The following TNR variants were observed in gnomAD, a reference collection of about 807,000 sequenced individuals.
The protein encoded by TNR is tenascin-R.
A neutral mutation model predicts 150.4 loss-of-function variants in TNR; 45 were observed. The observed-to-expected ratio is 0.30, with a 90% CI of 0.24 to 0.38. The LOEUF is 0.38. Ranked by LOEUF, TNR falls within the 10% of genes least tolerant of loss-of-function variation. TNR has a pLI of 1.00. For synonymous variants in TNR, 687 were observed against 678.4 expected (o/e 1.01, Z -0.20); for missense variants, 1,544 against 1,759.1 (o/e 0.88, Z 2.19).
chr1:175,727,319 T>C (rs948128336), intron 1 of TNR, among the ~76,000 whole-genome samples: 1 of 152,176 alleles, frequency 6.6e-6, no homozygotes, highest in Non-Finnish European at 1.5e-5. Context: ...CCAATAATGC[T>C]GAGAGGCCAA....
chr1:175,442,621 G>A (rs976763014), intron 2 of TNR, among the ~76,000 whole-genome samples: 1 of 151,740 alleles, frequency 6.6e-6, no homozygotes, highest in African/African-American at 2.4e-5. Context: ...CAACCAGAGA[G>A]AAGAGTAGAA....
chr1:175,543,066 A>G (rs1660564030), intron 1 of TNR, among the ~76,000 whole-genome samples: 1 of 152,210 alleles, frequency 6.6e-6, no homozygotes, highest in Admixed American at 6.5e-5. Flanking sequence ...AATTATAAAT[A>G]ACGTTTGAAC....
intron 1 of TNR, among the ~76,000 whole-genome samples, chr1:175,623,371 C>G (rs1290029230): frequency 1.3e-5 from 2 of 152,264 alleles, no homozygotes; most frequent in Admixed American, 6.5e-5. Flanking sequence ...TCCCAGAAAA[C>G]AGTTTCTTAC....
Position 175,375,954 on chromosome 1 carries a change from G to GTT in TNR, c.1963+3597_1963+3598insAA, listed in dbSNP as rs1212294926. On this transcript the variant is annotated intron_variant, in intron 9 of 22. Transcript: ENST00000367674. ...GTCTTTTAGATGAGAGAACTAAAGT[G>GTT]CAGGAAATTTAAGAAATTTGCTCAA... Among the ~76,000 whole-genome samples the GTT allele has an allele frequency of 2.6e-5, 4 of 152,224 alleles. No homozygotes were observed. In the East Asian group the frequency reaches 7.7e-4, roughly 29 times the overall value.
At chr1:175,424,133 A>G (rs1027860510) in intron 2 of TNR, among the ~76,000 whole-genome samples, 4 of 152,168 alleles carry the variant, frequency 2.6e-5, no homozygotes, top group Admixed American at 6.5e-5. Context: ...GTTAATTTCC[A>G]TAATTGAGAT....
At chr1:175,506,225 A>C (rs950307932) in intron 2 of TNR, among the ~76,000 whole-genome samples, 9 of 152,146 alleles carry the variant, frequency 5.9e-5, no homozygotes, top group Non-Finnish European at 1.2e-4. Context: ...GCCTCAAAAC[A>C]CTTTTAAAAA....
At chr1:175,631,257 T>C (rs1402489939) in intron 1 of TNR, among the ~76,000 whole-genome samples, 3 of 152,222 alleles carry the variant, frequency 2.0e-5, no homozygotes, top group African/African-American at 7.2e-5. Context: ...TTTGTTAAGA[T>C]AAAAGAAAAC....
intron 1 of TNR, among the ~76,000 whole-genome samples, chr1:175,649,042 C>T (rs942020617): frequency 1.3e-5 from 2 of 152,168 alleles, no homozygotes; most frequent in Non-Finnish European, 2.9e-5. Flanking sequence ...TCCCCATAGC[C>T]GGAGGGATTG....
At chr1:175,477,862 C>T (rs1208663944) in intron 2 of TNR, among the ~76,000 whole-genome samples, 7 of 152,212 alleles carry the variant, frequency 4.6e-5, no homozygotes, top group Non-Finnish European at 1.0e-4. Flanking sequence ...CACTCCCTTC[C>T]GCAGTCCTTC....
intron 10 of TNR, among the ~76,000 whole-genome samples, 194 bp downstream of exon 10, chr1:175,367,014 G>T (rs1651871521): frequency 6.6e-6 from 1 of 152,206 alleles, no homozygotes. Flanking sequence ...GGGGAAGAGG[G>T]TGACTCTGTC....
chr1:175,522,040 C>CTTAA, intron 2 of TNR, among the ~76,000 whole-genome samples: 1 of 152,202 alleles, frequency 6.6e-6, no homozygotes, highest in African/African-American at 2.4e-5. Context: ...CAAAGACTTG[C>CTTAA]TTAACTATGC....
intron 2 of TNR, among the ~76,000 whole-genome samples, chr1:175,421,245 C>A (rs1462643840): frequency 6.6e-6 from 1 of 152,222 alleles, no homozygotes; most frequent in Non-Finnish European, 1.5e-5. Context: ...TTCTCCAGGA[C>A]TGGATCACCA....
At chr1:175,351,250 T>C (rs1254900714) in intron 18 of TNR, among the ~76,000 whole-genome samples, 1 of 152,182 alleles carries the variant, frequency 6.6e-6, no homozygotes, top group Admixed American at 6.5e-5. Flanking sequence ...CTGATACCCT[T>C]GTATTCTTTT....
intron 2 of TNR, among the ~76,000 whole-genome samples, chr1:175,476,071 A>C (rs1657534796): frequency 6.6e-6 from 1 of 152,194 alleles, no homozygotes; most frequent in African/African-American, 2.4e-5. Context: ...GATGTTGTCC[A>C]GTGGCCACAA....
At chr1:175,583,521 A>T (rs544480181) in intron 1 of TNR, among the ~76,000 whole-genome samples, 3 of 152,310 alleles carry the variant, frequency 2.0e-5, no homozygotes, top group African/African-American at 4.8e-5. Context: ...TAGGACTGAG[A>T]CAGTGACTAA....
intron 1 of TNR, among the ~76,000 whole-genome samples, chr1:175,694,197 G>A (rs1422887441): frequency 1.3e-5 from 2 of 152,072 alleles, no homozygotes; most frequent in East Asian, 1.9e-4. Flanking sequence ...GTATCCCAAG[G>A]GATATCCCTA....
chr1:175,687,623 G>T (rs1051927594), intron 1 of TNR, among the ~76,000 whole-genome samples: 3 of 151,976 alleles, frequency 2.0e-5, no homozygotes, highest in Admixed American at 2.0e-4. Context: ...GAGGTGGTAT[G>T]CTGAGCTAGC....
intron 1 of TNR, among the ~76,000 whole-genome samples, chr1:175,611,481 C>G (rs112314297): frequency 6.6e-6 from 1 of 152,018 alleles, no homozygotes; most frequent in African/African-American, 2.4e-5. Flanking sequence ...TACAGGCACT[C>G]GCCACCATGC....
intron 1 of TNR, among the ~76,000 whole-genome samples, chr1:175,669,019 G>C (rs1665612657): frequency 6.6e-6 from 1 of 152,116 alleles, no homozygotes; most frequent in Admixed American, 6.5e-5. Flanking sequence ...GCACTGGGAG[G>C]CAGCTTCCCC....
Sources: gnomAD v4.1 joint callset for allele counts (sites outside exome capture counted in the v4.1 genomes callset) on GRCh38, gnomAD v4.1.1 for gene constraint, MANE v1.5 for transcripts, NCBI Gene and HGNC (gene_info 2026-07-23, HGNC 2026-07-21) for gene names.